Variants in AUTS2 observed in about 807,000 individuals in gnomAD.
The protein encoded by AUTS2 is autism susceptibility gene 2 protein.
In AUTS2, 17 loss-of-function variants were observed where a neutral mutation model predicts 112.4. The ratio of observed to expected loss-of-function variants is 0.15; its 90% CI spans 0.10 to 0.23. The LOEUF (loss-of-function observed/expected upper bound fraction) is 0.23, where lower values mean the gene tolerates loss of function less well. AUTS2 is among the 10% of genes least tolerant of loss of function. The pLI is 1.00. For synonymous variants in AUTS2, 751 were observed against 702.7 expected (o/e 1.07, Z -1.09); for missense variants, 1,510 against 1,701.6 (o/e 0.89, Z 1.98).
chr7:69,876,484 GTATA>G (rs58131271), intron 1 of AUTS2, among the ~76,000 whole-genome samples: 755 of 54,266 alleles, frequency 0.014, 99 homozygotes, highest in Middle Eastern at 0.034. Context: ...AATATTTTGT[GTATA>G]TATATATATA....
At chr7:70,553,805 C>T (rs1455454735) in intron 5 of AUTS2, among the ~76,000 whole-genome samples, 10 of 118,992 alleles carry the variant, frequency 8.4e-5, no homozygotes, top group Non-Finnish European at 1.1e-4. Context: ...CTTGCTCTGT[C>T]GCCCAGGCTG....
chr7:69,961,767 C>G (rs1797439759), intron 2 of AUTS2, among the ~76,000 whole-genome samples: 1 of 152,126 alleles, frequency 6.6e-6, no homozygotes, highest in Admixed American at 6.6e-5. Context: ...GGCTATGTAA[C>G]TCTTCCTCTC....
At chr7:70,316,399 ATTTTTTT>A (rs398005114) in intron 4 of AUTS2, among the ~76,000 whole-genome samples, 2 of 92,744 alleles carry the variant, frequency 2.2e-5, no homozygotes, top group African/African-American at 8.5e-5. Flanking sequence ...CCAGGTCTCT[ATTTTTTT>A]TTTTTTTTTT....
chr7:69,718,825 C>G (rs951685453), intron 1 of AUTS2, among the ~76,000 whole-genome samples: 3 of 152,180 alleles, frequency 2.0e-5, no homozygotes, highest in Non-Finnish European at 4.4e-5. Context: ...TTGTATAGTG[C>G]CCTCTATTAA....
intron 2 of AUTS2, among the ~76,000 whole-genome samples, chr7:69,998,250 T>C (rs1417879518): frequency 6.6e-6 from 1 of 152,196 alleles, no homozygotes; most frequent in Non-Finnish European, 1.5e-5. Flanking sequence ...TCTTGTTATG[T>C]TGCCTAGGCT....
chr7:69,663,820 G>C (rs1338224413), intron 1 of AUTS2, among the ~76,000 whole-genome samples: 1 of 152,176 alleles, frequency 6.6e-6, no homozygotes, highest in Non-Finnish European at 1.5e-5. Flanking sequence ...AGGTGTCTTA[G>C]CCTGTGGTAA....
intron 1 of AUTS2, among the ~76,000 whole-genome samples, chr7:69,894,092 A>G (rs957586402): frequency 6.6e-6 from 1 of 151,998 alleles, no homozygotes; most frequent in Non-Finnish European, 1.5e-5. Flanking sequence ...CTCCAAACCT[A>G]TTCACATCTG....
intron 5 of AUTS2, among the ~76,000 whole-genome samples, chr7:70,525,198 T>A (rs369531731): frequency 1.3e-5 from 2 of 152,236 alleles, no homozygotes; most frequent in Admixed American, 1.3e-4. Context: ...TCAGCTCCTC[T>A]GCAGTTCTGC....
intron 5 of AUTS2, among the ~76,000 whole-genome samples, chr7:70,501,726 A>C (rs1798780068): frequency 1.3e-5 from 2 of 151,854 alleles, no homozygotes; most frequent in South Asian, 4.2e-4. Context: ...TTTCTCCACA[A>C]CACAAACAAA....
Position 69,879,785 on chromosome 7 carries a change from C to T in AUTS2, c.310-19501C>T, listed in dbSNP as rs539081218. On this transcript the variant is annotated intron_variant, in intron 1 of 18. Coordinates refer to ENST00000342771, the MANE Select transcript of AUTS2 (RefSeq NM_015570.4). Reference sequence around the variant, plus strand: ...CCACTGTGAATCACGGCCCTCAGTCCTTTCCTGTGAAAAATTGATTTTTAT... The same window carrying T: ...CCACTGTGAATCACGGCCCTCAGTCTTTTCCTGTGAAAAATTGATTTTTAT... Among the ~76,000 whole-genome samples, 4 of 152,198 alleles carry T rather than the reference C, an allele frequency of 2.6e-5. No individual in the cohort carries two copies. In the East Asian group the frequency reaches 7.8e-4, roughly 30 times the overall value.
intron 1 of AUTS2, among the ~76,000 whole-genome samples, chr7:69,698,589 A>G (rs1219258937): frequency 6.6e-6 from 1 of 152,146 alleles, no homozygotes; most frequent in African/African-American, 2.4e-5. Flanking sequence ...GCAAGATACC[A>G]CACATGCCCG....
intron 4 of AUTS2, among the ~76,000 whole-genome samples, chr7:70,246,718 A>G (rs978069055): frequency 6.6e-6 from 1 of 151,904 alleles, no homozygotes; most frequent in East Asian, 1.9e-4. Context: ...TCAACTCATC[A>G]AGTTTCATAT....
At chr7:69,709,417 A>G (rs1162780789) in intron 1 of AUTS2, among the ~76,000 whole-genome samples, 1 of 152,156 alleles carries the variant, frequency 6.6e-6, no homozygotes, top group African/African-American at 2.4e-5. Context: ...GAGCAGGAGG[A>G]TGGAGTTCTG....
rs71077660 is a variant in AUTS2, at chr7:70,491,589, TTGTGTGTG to T, written c.690+55836_690+55843del. On this transcript the variant is annotated intron_variant, in intron 5 of 18. Coordinates refer to ENST00000342771, the MANE Select transcript of AUTS2 (RefSeq NM_015570.4). ...TATGTGTATATATAATGTATATATA[TTGTGTGTG>T]TGTGTGTGTGTGTGTGTGTGTGTGT... 2.9e-3 allele frequency among the ~76,000 whole-genome samples: 404 copies of T among 138,774 alleles called. 3 individuals carry two copies. Among genetic ancestry groups the T allele is most frequent in the South Asian group, 9.9e-3 (43 of 4,354 alleles). 91.0% of individuals were successfully genotyped at this position (138,774 alleles called of 152,430 possible). A position where few individuals can be genotyped will look rare whatever the true frequency, so the allele number is the denominator to read the frequency against.
At chr7:70,462,568 A>C (rs902125651) in intron 5 of AUTS2, among the ~76,000 whole-genome samples, 2 of 152,148 alleles carry the variant, frequency 1.3e-5, no homozygotes, top group African/African-American at 4.8e-5. Flanking sequence ...TATTTCCTGC[A>C]CTTCTCTCTA....
At chr7:70,644,013 TCCTGA>T (rs1806006586) in intron 5 of AUTS2, among the ~76,000 whole-genome samples, 1 of 152,190 alleles carries the variant, frequency 6.6e-6, no homozygotes. Context: ...GAATTTGCTT[TCCTGA>T]CCAGTTCCTT....
At chr7:70,278,142 T>A (rs1244663525) in intron 4 of AUTS2, among the ~76,000 whole-genome samples, 1 of 152,178 alleles carries the variant, frequency 6.6e-6, no homozygotes, top group African/African-American at 2.4e-5. Context: ...TACTTTTATT[T>A]CATTATCCTC....
chr7:69,950,953 A>C (rs1380683431), intron 2 of AUTS2, among the ~76,000 whole-genome samples: 2 of 152,094 alleles, frequency 1.3e-5, no homozygotes, highest in South Asian at 4.2e-4. Context: ...AGGACAACAT[A>C]GCAAGACCTG....
intron 2 of AUTS2, among the ~76,000 whole-genome samples, chr7:69,937,621 A>G (rs944533388): frequency 6.6e-6 from 1 of 152,130 alleles, no homozygotes; most frequent in African/African-American, 2.4e-5. Flanking sequence ...TTCCACACTG[A>G]GAAGAGGGCA....
Sources: gnomAD v4.1 joint callset for allele counts (sites outside exome capture counted in the v4.1 genomes callset) on GRCh38, gnomAD v4.1.1 for gene constraint, MANE v1.5 for transcripts, NCBI Gene and HGNC (gene_info 2026-07-23, HGNC 2026-07-21) for gene names.